Variants in YIPF6 observed in about 807,000 individuals in gnomAD.
The protein encoded by YIPF6 is protein YIPF6.
A neutral mutation model predicts 16.8 loss-of-function variants in YIPF6; 3 were observed. The ratio of observed to expected loss-of-function variants is 0.18; its 90% confidence interval spans 0.08 to 0.46. The LOEUF is 0.46. YIPF6 is among the 20% of genes least tolerant of loss of function. The pLI, the probability that YIPF6 is intolerant of heterozygous loss-of-function variation, is 0.98. For synonymous variants in YIPF6, 67 were observed against 61.9 expected, an observed-to-expected ratio of 1.08 and a Z score of -0.38; for missense variants, 145 against 184.9, an observed-to-expected ratio of 0.78 and a Z score of 1.25.
chrX:68,504,060 C>A (rs1225693908), intron 1 of YIPF6, among the ~76,000 whole-genome samples: 1 of 112,181 alleles, frequency 8.9e-6, no homozygotes, highest in Non-Finnish European at 1.9e-5. Flanking sequence ...ACTCATAGGA[C>A]TCAGAACAGC....
intron 1 of YIPF6, among the ~76,000 whole-genome samples, chrX:68,509,042 G>C (rs1352266265): frequency 9.1e-6 from 1 of 110,255 alleles, no homozygotes; most frequent in Non-Finnish European, 1.9e-5. Flanking sequence ...ACCAGCTTCA[G>C]ATTCCTCTGT....
At position 68,532,233 on chromosome X, in the gene YIPF6, A is replaced by T; in HGVS notation, c.*234A>T. On this transcript the variant is annotated 3_prime_UTR_variant, in exon 7 of 7. Transcript: ENST00000462683. ...GTCATTTCTTTAAAAATACATGTGC[A>T]TACTACACACAGTATATAATGCCTC... 3.1e-6 allele frequency: 1 copy of T among 325,284 alleles called. No individual in the cohort carries two copies. The highest frequency in any genetic ancestry group is 5.3e-6 in the Non-Finnish European group (1 of 186,957). 26.8% of individuals were successfully genotyped at this position (325,284 alleles called of 1,213,427 possible).
At chrX:68,506,241 CA>C (rs780227894) in intron 1 of YIPF6, among the ~76,000 whole-genome samples, 40 of 99,245 alleles carry the variant, frequency 4.0e-4, no homozygotes, top group Non-Finnish European at 2.9e-4. Context: ...GACTCCATTT[CA>C]AAAAAAAAAA....
chrX:68,508,395 C>T (rs986847800), intron 1 of YIPF6, among the ~76,000 whole-genome samples: 29 of 111,916 alleles, frequency 2.6e-4, no homozygotes, highest in African/African-American at 9.1e-4. Flanking sequence ...TCAGCCACTG[C>T]GGTTAGCCTA....
At chrX:68,531,092 C>G (rs1430518088) in intron 6 of YIPF6, among the ~76,000 whole-genome samples, 1 of 106,909 alleles carries the variant, frequency 9.4e-6, no homozygotes, top group Admixed American at 1.0e-4. Context: ...CTGTAGCACC[C>G]AGCGAGAGGA....
chrX:68,505,578 G>T (rs1046314463), intron 1 of YIPF6, among the ~76,000 whole-genome samples: 2 of 112,214 alleles, frequency 1.8e-5, no homozygotes, highest in Non-Finnish European at 3.7e-5. Flanking sequence ...GATTAAGTGC[G>T]AAAGTAAAGT....
At chrX:68,501,375 A>G (rs781599349) in intron 1 of YIPF6, among the ~76,000 whole-genome samples, 1 of 112,417 alleles carries the variant, frequency 8.9e-6, no homozygotes, top group Non-Finnish European at 1.9e-5. Context: ...TATAAGAGCT[A>G]TCAATAACTG....
At chrX:68,506,961 A>G (rs1159355433) in intron 1 of YIPF6, among the ~76,000 whole-genome samples, 1 of 112,056 alleles carries the variant, frequency 8.9e-6, no homozygotes, top group East Asian at 2.8e-4. Context: ...ACATTAATGC[A>G]TGTAAAAAAT....
intron 6 of YIPF6, among the ~76,000 whole-genome samples, chrX:68,524,678 C>G (rs907795575): frequency 3.7e-5 from 4 of 109,060 alleles, no homozygotes; most frequent in Admixed American, 9.9e-5. Context: ...CCTAGCCCCC[C>G]CAGCCTCTGA....
chrX:68,524,836 A>G (rs768911262), intron 6 of YIPF6, among the ~76,000 whole-genome samples: 1 of 111,456 alleles, frequency 9.0e-6, no homozygotes, highest in East Asian at 2.8e-4. Context: ...TACAAAGGAT[A>G]TGAACTCAAC....
intron 6 of YIPF6, 35 bp from the exon 7 acceptor site, chrX:68,531,846 A>T: frequency 1.0e-6 from 1 of 984,881 alleles, no homozygotes; most frequent in African/African-American, 1.9e-5. Context: ...TTACTGTATT[A>T]AACATTCCTT....
chrX:68,507,074 G>A (rs1233002099), intron 1 of YIPF6, among the ~76,000 whole-genome samples: 1 of 111,804 alleles, frequency 8.9e-6, no homozygotes, highest in Non-Finnish European at 1.9e-5. Context: ...TCTAAGTATA[G>A]TTTTCTGGGA....
At position 68,532,631 on chromosome X, in the gene YIPF6, T is replaced by C. The variant is rs912173612; in HGVS notation, c.*632T>C. The stretch of plus-strand genomic sequence containing the variant: ...AAAAAAAAAAAAAGCAAAGGGCCTC[T>C]AAAGAATCAGCCTCTTTGGTCCCTT... On this transcript the variant is annotated 3_prime_UTR_variant, in exon 7 of 7. Coordinates refer to ENST00000462683, the MANE Select transcript of YIPF6 (RefSeq NM_173834.4). 2.8e-5 allele frequency: 3 copies of C among 106,990 alleles called. No homozygotes were observed. The highest frequency in any genetic ancestry group is 1.0e-4 in the African/African-American group (3 of 29,200). The allele number at this position is 106,990 out of a possible 1,213,427, so 8.8% of individuals were successfully genotyped here.
In YIPF6 at chrX:68,521,349, C is replaced by T. The variant is rs774875889; in HGVS notation, c.309-23C>T. On this transcript the variant is annotated intron_variant, in intron 4 of 6. Coordinates refer to ENST00000462683, the MANE Select transcript of YIPF6 (RefSeq NM_173834.4). ...GCCCTAAGTAAAAGATTAAGCAATTCTTACGCTGTTTCCTTTTCTCAGAAT... is the reference window on the plus strand; with the variant it reads ...GCCCTAAGTAAAAGATTAAGCAATTTTTACGCTGTTTCCTTTTCTCAGAAT... The T allele has an allele frequency of 2.5e-6, 3 of 1,200,977 alleles. No individual in the cohort carries two copies. In the African/African-American group the frequency reaches 5.3e-5, roughly 21 times the overall value.
chrX:68,508,318 G>T (rs2079067657), intron 1 of YIPF6, among the ~76,000 whole-genome samples: 2 of 109,990 alleles, frequency 1.8e-5, no homozygotes, highest in South Asian at 7.8e-4. Flanking sequence ...TGCCCAGGCT[G>T]GTCTGGAACT....
At chrX:68,500,776 C>T (rs1602447670) in intron 1 of YIPF6, among the ~76,000 whole-genome samples, 1 of 111,822 alleles carries the variant, frequency 8.9e-6, no homozygotes, top group African/African-American at 3.3e-5. Context: ...GTTCCAGGCA[C>T]TCCTTTAGGC....
intron 6 of YIPF6, among the ~76,000 whole-genome samples, chrX:68,523,140 T>TA (rs1285342052): frequency 2.2e-3 from 222 of 99,256 alleles, no homozygotes; most frequent in African/African-American, 5.9e-3. Context: ...TTTCTTTCTT[T>TA]AAAAAAAAAA....
At position 68,521,255 on chromosome X, in the gene YIPF6, C is replaced by T. The variant is rs748295691; in HGVS notation, c.309-117C>T. The T allele has an allele frequency of 6.8e-6, 6 of 876,825 alleles. No homozygotes were observed. In the East Asian group the frequency reaches 1.3e-4, roughly 20 times the overall value. The allele number at this position is 876,825 out of a possible 1,213,427, so 72.3% of individuals were successfully genotyped here. ...TCCTTTTAGCACAACCTACATATTA[C>T]AGATCTTCAGGTGAGGTATGGCACA... On this transcript the variant is annotated intron_variant, in intron 4 of 6. Transcript: ENST00000462683.
At position 68,532,980 on chromosome X, in the gene YIPF6, G is replaced by A. The variant is rs1227824497; in HGVS notation, c.*981G>A. 8.9e-6 allele frequency: 1 copy of A among 111,788 alleles called. No homozygotes were observed. Among genetic ancestry groups the A allele is most frequent in the Non-Finnish European group, 1.9e-5 (1 of 53,219 alleles). The allele number at this position is 111,788 out of a possible 1,213,427, so 9.2% of individuals were successfully genotyped here. A position where few individuals can be genotyped will look rare whatever the true frequency, so the allele number is the denominator to read the frequency against. On this transcript the variant is annotated 3_prime_UTR_variant, in exon 7 of 7. Transcript: ENST00000462683. ...ACTAGAAAGTAAAGCTAAATCAGAA[G>A]CCTGTATTTAACCATGTGAACAGGG...
Sources: gnomAD v4.1 joint callset for allele counts (sites outside exome capture counted in the v4.1 genomes callset) on GRCh38, gnomAD v4.1.1 for gene constraint, MANE v1.5 for transcripts, NCBI Gene and HGNC (gene_info 2026-07-23, HGNC 2026-07-21) for gene names.